TBL1X: variants seen among roughly 807,000 people sequenced by gnomAD.
The protein encoded by TBL1X is transducin beta like 1 X-linked, also known as F-box-like/WD repeat-containing protein TBL1X.
Under a neutral mutation model 50.7 loss-of-function variants are expected in TBL1X, and 10 were observed. The ratio of observed to expected loss-of-function variants is 0.20; its 90% CI spans 0.12 to 0.33. TBL1X has a LOEUF of 0.33. Among genes scored for constraint, TBL1X ranks in the 10% least tolerant of loss-of-function variants. The pLI is 1.00. For missense variants in TBL1X, 340 were observed against 504.4 expected, an observed-to-expected ratio of 0.67 and a Z score of 3.12; for synonymous variants, 190 against 214.7, an observed-to-expected ratio of 0.88 and a Z score of 1.01.
intron 3 of TBL1X, among the ~76,000 whole-genome samples, chrX:9,652,762 G>A (rs1320688890): frequency 9.3e-6 from 1 of 107,740 alleles, no homozygotes; most frequent in Non-Finnish European, 1.9e-5. Flanking sequence ...GAGGTGAGAG[G>A]ATTGCTTGAG....
chrX:9,698,196 A>G (rs2083144452), intron 12 of TBL1X, among the ~76,000 whole-genome samples: 2 of 111,096 alleles, frequency 1.8e-5, no homozygotes, highest in African/African-American at 3.3e-5. Flanking sequence ...CAAGATAGAG[A>G]TGACCTCGGC....
intron 5 of TBL1X, among the ~76,000 whole-genome samples, chrX:9,662,481 G>A (rs899661122): frequency 8.9e-6 from 1 of 112,263 alleles, no homozygotes; most frequent in Admixed American, 9.4e-5. Context: ...AAATACTGTA[G>A]GATTCCACTT....
At chrX:9,556,919 A>G (rs775707136) in intron 2 of TBL1X, among the ~76,000 whole-genome samples, 3 of 109,448 alleles carry the variant, frequency 2.7e-5, no homozygotes, top group Admixed American at 9.8e-5. Context: ...TCTTTTTCAC[A>G]TTGCATTTCC....
rs1472442058 is a variant in TBL1X, at chrX:9,525,821, G to A, written c.-131+23972G>A. On this transcript the variant is annotated intron_variant, in intron 2 of 17. Transcript: ENST00000645353. ...CAGGCACTTTCCTCTATTTTGCAGA[G>A]AAAATAATTTTTTCCCAAAGAGATT... 2.7e-5 allele frequency among the ~76,000 whole-genome samples: 3 copies of A among 110,901 alleles called. No homozygotes were observed. In the Admixed American group the frequency reaches 2.9e-4, roughly 11 times the overall value.
intron 2 of TBL1X, among the ~76,000 whole-genome samples, chrX:9,562,759 GA>G (rs34526953): frequency 0.051 from 5,201 of 102,524 alleles, 145 homozygotes; most frequent in African/African-American, 0.1. Context: ...CTTCAAAGCA[GA>G]AAAAAAAAAA....
chrX:9,498,072 C>T (rs190883417), intron 1 of TBL1X, among the ~76,000 whole-genome samples: 87 of 110,164 alleles, frequency 7.9e-4, no homozygotes, highest in African/African-American at 2.5e-3. Flanking sequence ...CCAGCTAACG[C>T]GCTTTTAAAA....
At chrX:9,611,989 C>G (rs2082616001) in intron 2 of TBL1X, among the ~76,000 whole-genome samples, 1 of 112,921 alleles carries the variant, frequency 8.9e-6, no homozygotes, top group South Asian at 3.6e-4. Flanking sequence ...AGAGCGTTGG[C>G]TAGTGACACA....
intron 5 of TBL1X, among the ~76,000 whole-genome samples, chrX:9,664,920 G>A (rs944765969): frequency 4.5e-5 from 5 of 111,160 alleles, no homozygotes; most frequent in Non-Finnish European, 7.5e-5. Flanking sequence ...TTACAATGGA[G>A]AGAGAGTGGG....
At chrX:9,571,446 T>G (rs2082385937) in intron 2 of TBL1X, among the ~76,000 whole-genome samples, 1 of 112,154 alleles carries the variant, frequency 8.9e-6, no homozygotes, top group African/African-American at 3.2e-5. Flanking sequence ...CACCTTAAGA[T>G]AGCCATATGC....
At chrX:9,676,780 T>C (rs1347738399) in intron 5 of TBL1X, among the ~76,000 whole-genome samples, 1 of 111,954 alleles carries the variant, frequency 8.9e-6, no homozygotes, top group Non-Finnish European at 1.9e-5. Flanking sequence ...AATGGAAAGC[T>C]GATATGAACA....
At chrX:9,469,143 G>C (rs1212883145) in intron 1 of TBL1X, among the ~76,000 whole-genome samples, 2 of 106,772 alleles carry the variant, frequency 1.9e-5, no homozygotes, top group Non-Finnish European at 3.9e-5. Flanking sequence ...TTATTATAAT[G>C]CTTGGAGCCT....
chrX:9,567,062 G>A (rs1281979589), intron 2 of TBL1X, among the ~76,000 whole-genome samples: 4 of 111,907 alleles, frequency 3.6e-5, no homozygotes, highest in Non-Finnish European at 5.6e-5. Context: ...GATAGAACGG[G>A]CTGGGGAAGG....
At chrX:9,660,318 A>G (rs1327161758) in intron 5 of TBL1X, among the ~76,000 whole-genome samples, 1 of 112,823 alleles carries the variant, frequency 8.9e-6, no homozygotes, top group African/African-American at 3.2e-5. Context: ...AGTACTGAAG[A>G]AAAAGAAACA....
Position 9,717,214 on chromosome X carries a change from A to G in TBL1X, c.*968A>G, listed in dbSNP as rs1343625499. ...GGGGGCTTTTTACAGGAGAAAAAAA[A>G]ATGACTTATAAGAGAAAGAGCCTGG... On this transcript the variant is annotated 3_prime_UTR_variant, in exon 18 of 18. Coordinates refer to ENST00000645353, the MANE Select transcript of TBL1X (RefSeq NM_005647.4). The G allele has an allele frequency of 9.0e-6, 1 of 111,346 alleles. No homozygotes were observed. Among genetic ancestry groups the G allele is most frequent in the African/African-American group, 3.3e-5 (1 of 30,418 alleles). The allele number at this position is 111,346 out of a possible 1,213,427, so 9.2% of individuals were successfully genotyped here. A position where few individuals can be genotyped will look rare whatever the true frequency, so the allele number is the denominator to read the frequency against.
At chrX:9,511,088 T>G (rs193098299) in intron 2 of TBL1X, among the ~76,000 whole-genome samples, 2 of 112,188 alleles carry the variant, frequency 1.8e-5, no homozygotes, top group Non-Finnish European at 3.8e-5. Flanking sequence ...GCCCACAAAG[T>G]AGAAAATATT....
At chrX:9,478,964 G>A (rs999077603) in intron 1 of TBL1X, among the ~76,000 whole-genome samples, 2 of 112,419 alleles carry the variant, frequency 1.8e-5, no homozygotes, top group Non-Finnish European at 3.8e-5. Flanking sequence ...CCGGTAAAAA[G>A]AGATTTTAAA....
At chrX:9,688,328 C>T in intron 7 of TBL1X, 53 bp downstream of exon 7, 1 of 1,026,528 alleles carries the variant, frequency 9.7e-7, no homozygotes, top group Non-Finnish European at 1.3e-6. Context: ...TCATTGTTTT[C>T]TTCTTGGGCA....
At chrX:9,711,913 C>A in intron 16 of TBL1X, 137 bp downstream of exon 16, 1 of 656,479 alleles carries the variant, frequency 1.5e-6, no homozygotes. Flanking sequence ...CCAGTGGATG[C>A]TGTCCACGTG....
intron 3 of TBL1X, among the ~76,000 whole-genome samples, chrX:9,651,916 C>T (rs2082837675): frequency 8.9e-6 from 1 of 112,522 alleles, no homozygotes; most frequent in African/African-American, 3.2e-5. Flanking sequence ...TTATCTCTTG[C>T]TGGATAACAG....
Sources: gnomAD v4.1 joint callset for allele counts (sites outside exome capture counted in the v4.1 genomes callset) on GRCh38, gnomAD v4.1.1 for gene constraint, MANE v1.5 for transcripts, NCBI Gene and HGNC (gene_info 2026-07-23, HGNC 2026-07-21) for gene names.